FOXA2: variants seen among roughly 807,000 people sequenced by gnomAD.
FOXA2 encodes forkhead box A2.
In FOXA2, 9 loss-of-function variants were observed where a neutral mutation model predicts 33.3. The ratio of observed to expected loss-of-function variants is 0.27; its 90% CI spans 0.16 to 0.47. The LOEUF (loss-of-function observed/expected upper bound fraction) is 0.47. Ranked by LOEUF, FOXA2 falls within the 20% of genes least tolerant of loss-of-function variation. The pLI is 0.99. For missense variants in FOXA2, 704 were observed against 659.9 expected (o/e 1.07, Z -0.73); for synonymous variants, 329 against 289.4 (o/e 1.14, Z -1.39).
upstream of FOXA2, among the ~76,000 whole-genome samples, chr20:22,584,917 C>A (rs1984725835): frequency 6.6e-6 from 1 of 152,124 alleles, no homozygotes; most frequent in Non-Finnish European, 1.5e-5. Context: ...CGCGGCGCCC[C>A]GCACTCCTGG....
rs763183408 is a variant in FOXA2, at chr20:22,582,440, C to A, written c.802G>T (p.Ala268Ser). 1.2e-6 allele frequency: 2 copies of A among 1,606,764 alleles called. No individual in the cohort carries two copies. The highest frequency in any genetic ancestry group is 1.7e-5 in the Admixed American group (1 of 59,018). ...QKRFKCEKQL[A>S]LKEAAGAAGS... ...GCGGCGCCTGCGGCCTCCTTCAGCG[C>A]CAGCTGCTTCTCGCACTTGAAGCGC... Residue 268 changes from alanine (A) to serine (S), a missense_variant, in exon 2 of 2, where the codon GCG becomes TCG. By Grantham distance (99) the Ala-to-Ser change is moderately conservative. Coordinates refer to ENST00000419308, the MANE Select transcript of FOXA2 (RefSeq NM_021784.5).
At position 22,582,794 on chromosome 20, in the gene FOXA2, G is replaced by C; in HGVS notation, c.448C>G (p.Arg150Gly). 2 of 1,613,862 alleles carry C rather than the reference G, an allele frequency of 1.2e-6. No homozygotes were observed. The highest frequency in any genetic ancestry group is 1.7e-6 in the Non-Finnish European group (2 of 1,179,900). ...CTGTAGGTCTTGGGGTCGCGGGCGCGGCTCAGGCCCGCCTGCCCGTACATG... is the reference window on the plus strand; with the variant it reads ...CTGTAGGTCTTGGGGTCGCGGGCGCCGCTCAGGCCCGCCTGCCCGTACATG... Reference protein sequence around the residue: ...SPMYGQAGLSRARDPKTYRRS... With the variant: ...SPMYGQAGLSGARDPKTYRRS... Residue 150 changes from arginine to glycine, a missense_variant, in exon 2 of 2, where the codon CGC becomes GGC. Around this residue, in one of 5 missense-constraint regions of FOXA2, gnomAD observed 304 missense variants for 251.7 expected, o/e 1.21. Coordinates refer to ENST00000419308, the MANE Select transcript of FOXA2 (RefSeq NM_021784.5).
Position 22,582,774 on chromosome 20 carries a change from G to C in FOXA2, c.468C>G (p.Thr156=), listed in dbSNP as rs2122993656. The C allele has an allele frequency of 1.2e-6, 2 of 1,614,132 alleles. No homozygotes were observed. The highest frequency in any genetic ancestry group is 1.7e-6 in the Non-Finnish European group (2 of 1,180,016). Residue 156 remains threonine, a synonymous_variant, in exon 2 of 2, where the codon ACC becomes ACG. Coordinates refer to ENST00000419308, the MANE Select transcript of FOXA2 (RefSeq NM_021784.5). Reference sequence around the variant, plus strand: ...TTGCGTGCGTGTAGCTGCGCCTGTAGGTCTTGGGGTCGCGGGCGCGGCTCA... The same window carrying C: ...TTGCGTGCGTGTAGCTGCGCCTGTACGTCTTGGGGTCGCGGGCGCGGCTCA... ...AGLSRARDPK[T]YRRSYTHAKP... is the part of the protein sequence containing the mutation.
chr20:22,581,957 C>A lies in FOXA2; in HGVS notation c.1285G>T (p.Ala429Ser). 1 of 1,612,460 alleles carries A rather than the reference C, an allele frequency of 6.2e-7. No homozygotes were observed. The highest frequency in any genetic ancestry group is 1.1e-5 in the South Asian group (1 of 91,050). The change falls in exon 2 of 2, where the codon GCC becomes TCC. Residue 429 changes from alanine to serine, a missense_variant. Transcript: ENST00000419308. ...GYGSPMPGSL[A>S]MGPVTNKTGL... ...GTTTTGTTCGTGACCGGGCCCATGGCCAAGCTGCCAGGCATGGGGGAACCG... is the reference window on the plus strand; with the variant it reads ...GTTTTGTTCGTGACCGGGCCCATGGACAAGCTGCCAGGCATGGGGGAACCG...
chr20:22,582,664 T>C lies in FOXA2; in HGVS notation c.578A>G (p.Gln193Arg). The change falls in exon 2 of 2, where the codon CAG becomes CGG. Residue 193 changes from glutamine to arginine, a missense_variant. Gln to Arg is a conservative substitution (Grantham distance 43, BLOSUM62 1). This residue lies in a region of FOXA2 where 32 missense variants were observed against 60.2 expected (regional missense o/e 0.53). Coordinates refer to ENST00000419308, the MANE Select transcript of FOXA2 (RefSeq NM_021784.5). ...GAAGGGGAAGAGGTCCATGATCCAC[T>C]GGTAGATCTCGCTCAGCGTCAGCAT... ...NKMLTLSEIY[Q>R]WIMDLFPFYR... The C allele has an allele frequency of 6.2e-7, 1 of 1,614,132 alleles. No individual in the cohort carries two copies. Among genetic ancestry groups the C allele is most frequent in the Non-Finnish European group, 8.5e-7 (1 of 1,180,012 alleles).
In FOXA2 at chr20:22,584,396, CCTCTCCCTGGGCTCCACTCCCTCT is replaced by C. The variant is rs958588239; in HGVS notation, c.-142_-119del. The C allele has an allele frequency of 9.8e-6, 8 of 819,670 alleles. No homozygotes were observed. The Admixed American group carries it at 1.4e-4, about 14-fold the overall frequency. 50.8% of individuals were successfully genotyped at this position (819,670 alleles called of 1,614,324 possible). On this transcript the variant is annotated 5_prime_UTR_variant, in exon 1 of 2. Transcript: ENST00000419308. ...CCTCCTCCCTCCCTCTCTCGCGCTC[CCTCTCCCTGGGCTCCACTCCCTCT>C]CTCTCCCTGGGCAGGCCGGAGGCGG...
rs747972760 is a variant in FOXA2, at chr20:22,581,511, G to GAAC, written c.*336_*338dup. The GAAC allele has an allele frequency of 9.8e-6, 2 of 203,706 alleles. No homozygotes were observed. The highest frequency in any genetic ancestry group is 1.9e-5 in the Non-Finnish European group (2 of 103,274). The allele number at this position is 203,706 out of a possible 1,614,324, so 12.6% of individuals were successfully genotyped here. ...TCCCTGCAACAACAGCAATGGAGGA[G>GAAC]AACAACAACAACAAAAAAATCAGAA... On this transcript the variant is annotated 3_prime_UTR_variant, in exon 2 of 2. Coordinates refer to ENST00000419308, the MANE Select transcript of FOXA2 (RefSeq NM_021784.5).
rs1984574199 is a variant in FOXA2, at chr20:22,581,657, CTGTT to C, written c.*189_*192del. 1.7e-6 allele frequency: 1 copy of C among 575,788 alleles called. No individual in the cohort carries two copies. The highest frequency in any genetic ancestry group is 2.4e-5 in the South Asian group (1 of 41,876). The allele number at this position is 575,788 out of a possible 1,614,324, so 35.7% of individuals were successfully genotyped here. On this transcript the variant is annotated 3_prime_UTR_variant, in exon 2 of 2. Coordinates refer to ENST00000419308, the MANE Select transcript of FOXA2 (RefSeq NM_021784.5). ...GAACGTGGGGTATCTGTGTGGCCCTCTGTTTGGGACGGAACGGCTGCAGCGGGTG... is the reference window on the plus strand; with the variant it reads ...GAACGTGGGGTATCTGTGTGGCCCTCTGGGACGGAACGGCTGCAGCGGGTG...
Position 22,581,868 on chromosome 20 carries a change from G to A in FOXA2, c.1374C>T (p.Pro458=). Residue 458 remains proline, a synonymous_variant, in exon 2 of 2, where the codon CCC becomes CCT. Transcript: ENST00000419308. ...CGTCTTCTTAAGAGGAGTTCATAAT[G>A]GGCCGGGAGTACACCCCCTGGTAGT... ...TSYYQGVYSR[P]IMNSS 1.2e-6 allele frequency: 2 copies of A among 1,607,428 alleles called. No individual in the cohort carries two copies. The highest frequency in any genetic ancestry group is 8.5e-7 in the Non-Finnish European group (1 of 1,174,512).
At position 22,584,445 on chromosome 20, in the gene FOXA2, G is replaced by A; in HGVS notation, c.-167C>T. 2.0e-6 allele frequency: 1 copy of A among 491,242 alleles called. No individual in the cohort carries two copies. Among genetic ancestry groups the A allele is most frequent in the South Asian group, 1.8e-5 (1 of 54,226 alleles). 30.4% of individuals were successfully genotyped at this position (491,242 alleles called of 1,614,324 possible). On this transcript the variant is annotated 5_prime_UTR_variant, in exon 1 of 2. Transcript: ENST00000419308. ...TCTCTCCCTGGGCAGGCCGGAGGCG[G>A]TAGTTGGAAGTGGGCGGGAGGTGGG...
chr20:22,584,437 C>G lies in FOXA2; in HGVS notation c.-159G>C, dbSNP rs1984696371. 7 of 443,118 alleles carry G rather than the reference C, an allele frequency of 1.6e-5. No individual in the cohort carries two copies. Among genetic ancestry groups the G allele is most frequent in the Middle Eastern group, 6.9e-4 (1 of 1,458 alleles). The allele number at this position is 443,118 out of a possible 1,614,324, so 27.4% of individuals were successfully genotyped here. Reference sequence around the variant, plus strand: ...ACTCCCTCTCTCTCCCTGGGCAGGCCGGAGGCGGTAGTTGGAAGTGGGCGG... The same window carrying G: ...ACTCCCTCTCTCTCCCTGGGCAGGCGGGAGGCGGTAGTTGGAAGTGGGCGG... On this transcript the variant is annotated 5_prime_UTR_variant, in exon 1 of 2. Transcript: ENST00000419308.
upstream of FOXA2, among the ~76,000 whole-genome samples, chr20:22,584,877 C>T (rs1349412598): frequency 1.3e-5 from 2 of 152,198 alleles, no homozygotes; most frequent in East Asian, 1.9e-4. Flanking sequence ...TCCGCACCTG[C>T]CCCTCAGCGC....
At position 22,582,992 on chromosome 20, in the gene FOXA2, C is replaced by G; in HGVS notation, c.250G>C (p.Ala84Pro). ...GCGCCCGCGCCGGGGGACATCCCCG[C>G]CAGGGACGGGCTCATGCCAGCGCCC... ...YVGAGMSPSL[A>P]GMSPGAGAMA... Residue 84 changes from alanine to proline, a missense_variant, in exon 2 of 2, where the codon GCG becomes CCG. By Grantham distance (27) the Ala-to-Pro change is conservative. This residue lies in a region of FOXA2 where 304 missense variants were observed against 251.7 expected (regional missense o/e 1.21). Transcript: ENST00000419308. 6.2e-7 allele frequency: 1 copy of G among 1,606,298 alleles called. No individual in the cohort carries two copies. Among genetic ancestry groups the G allele is most frequent in the Non-Finnish European group, 8.5e-7 (1 of 1,178,302 alleles).
At position 22,582,034 on chromosome 20, in the gene FOXA2, G is replaced by C; in HGVS notation, c.1208C>G (p.Pro403Arg). ...GTAGGCCTTGAGGTCCATTTTGTGG[G>C]GTTGGTGGTGGTGGTGGCTGTGGTG... ...QHHHSHHHHQ[P>R]HKMDLKAYEQ... Residue 403 changes from proline to arginine, a missense_variant, in exon 2 of 2, where the codon CCC becomes CGC. Transcript: ENST00000419308. 1 of 1,612,174 alleles carries C rather than the reference G, an allele frequency of 6.2e-7. No homozygotes were observed. The highest frequency in any genetic ancestry group is 8.5e-7 in the Non-Finnish European group (1 of 1,178,790).
upstream of FOXA2, chr20:22,585,410 AC>A (rs1411846915): frequency 5.9e-5 from 9 of 152,250 alleles, no homozygotes; most frequent in East Asian, 1.6e-3. Context: ...GCCGCCAGGG[AC>A]CCGCAGTGGG....
At chr20:22,584,705 A>G (rs1181162019), upstream of FOXA2, among the ~76,000 whole-genome samples, 2 of 147,414 alleles carry the variant, frequency 1.4e-5, no homozygotes, top group Non-Finnish European at 3.0e-5. Context: ...GAGGAGGAGG[A>G]GGAGGAGGAG....
In FOXA2 at chr20:22,582,753, G is replaced by T. The variant is rs144279222; in HGVS notation, c.489C>A (p.His163Gln). The change falls in exon 2 of 2, where the codon CAC becomes CAA. Residue 163 changes from histidine to glutamine, a missense_variant. His to Gln is a conservative substitution (Grantham distance 24). Coordinates refer to ENST00000419308, the MANE Select transcript of FOXA2 (RefSeq NM_021784.5). ...AGATGTACGAGTAGGGCGGCTTTGC[G>T]TGCGTGTAGCTGCGCCTGTAGGTCT... ...DPKTYRRSYT[H>Q]AKPPYSYISL... The T allele has an allele frequency of 1.5e-5, 25 of 1,614,032 alleles. No individual in the cohort carries two copies. The highest frequency in any genetic ancestry group is 5.0e-5 in the Admixed American group (3 of 60,014).
chr20:22,584,110 G>T, intron 1 of FOXA2, 82 bp downstream of exon 1: 3 of 1,361,770 alleles, frequency 2.2e-6, no homozygotes, highest in Non-Finnish European at 3.1e-6. Context: ...GTGGGGGGGT[G>T]CCAGCGAGGG....
Position 22,583,120 on chromosome 20 carries a change from A to C in FOXA2, c.122T>G (p.Leu41Arg), listed in dbSNP as rs1984647060. 4 of 1,605,740 alleles carry C rather than the reference A, an allele frequency of 2.5e-6. No individual in the cohort carries two copies. The Admixed American group carries it at 5.0e-5, about 20-fold the overall frequency. The change falls in exon 2 of 2, where the codon CTG (leucine) becomes CGG (arginine). Residue 41 changes from leucine to arginine, a missense_variant. Around this residue, in one of 5 missense-constraint regions of FOXA2, gnomAD observed 304 missense variants for 251.7 expected, o/e 1.21. Coordinates refer to ENST00000419308, the MANE Select transcript of FOXA2 (RefSeq NM_021784.5). ...GTACGTGTTCATGCCGTTCATCCCCAGGCCGGCGTTCATGTTGCTCACGGA... is the reference window on the plus strand; with the variant it reads ...GTACGTGTTCATGCCGTTCATCCCCCGGCCGGCGTTCATGTTGCTCACGGA... ...YSSVSNMNAG[L>R]GMNGMNTYMS...
Sources: gnomAD v4.1 joint callset for allele counts (sites outside exome capture counted in the v4.1 genomes callset) on GRCh38, gnomAD v4.1.1 for gene constraint, gnomAD v4.1.1 regional missense constraint, MANE v1.5 for transcripts, NCBI Gene and HGNC (gene_info 2026-07-23, HGNC 2026-07-21) for gene names.